HYCC2: variants seen among roughly 807,000 people sequenced by gnomAD.
HYCC2 encodes hyccin 2.
chr2:201,063,047 C>T, the HYCC2 span: 307 of 1,605,238 alleles, frequency 1.9e-4, 1 homozygote, highest in East Asian at 1.8e-3. Flanking sequence ...CCGTGGACGC[C>T]GCCGAAGAAG....
chr2:201,070,684 A>G, the HYCC2 span, among the ~76,000 whole-genome samples: 4 of 151,996 alleles, frequency 2.6e-5, no homozygotes, highest in Admixed American at 6.5e-5. Context: ...TTTTCCCCAT[A>G]TTCAGACCAC....
At chr2:201,053,126 AT>A in the HYCC2 span, among the ~76,000 whole-genome samples, 139 of 146,562 alleles carry the variant, frequency 9.5e-4, 1 homozygote, top group South Asian at 9.3e-3. Context: ...AAATCTTAAA[AT>A]TTTTTTTTTT....
chr2:201,047,073 G>A, the HYCC2 span, among the ~76,000 whole-genome samples: 2 of 152,086 alleles, frequency 1.3e-5, no homozygotes, highest in African/African-American at 4.8e-5. Flanking sequence ...CAAAACTGCT[G>A]AAGATGCAAC....
At chr2:201,048,969 C>CA in the HYCC2 span, among the ~76,000 whole-genome samples, 1 of 151,130 alleles carries the variant, frequency 6.6e-6, no homozygotes, top group Non-Finnish European at 1.5e-5. Context: ...AACAAACAAA[C>CA]AAAAAAACAA....
chr2:201,064,267 G>T, the HYCC2 span, among the ~76,000 whole-genome samples: 3 of 152,010 alleles, frequency 2.0e-5, no homozygotes, highest in Non-Finnish European at 2.9e-5. Context: ...TTTCTGTTCT[G>T]TGGAAAGTGT....
At chr2:201,019,379 G>A in the HYCC2 span, among the ~76,000 whole-genome samples, 1 of 152,122 alleles carries the variant, frequency 6.6e-6, no homozygotes, top group Non-Finnish European at 1.5e-5. Context: ...TTATTACTCT[G>A]TGTTTTTTGT....
the HYCC2 span, among the ~76,000 whole-genome samples, chr2:200,989,045 G>C: frequency 6.6e-6 from 1 of 152,220 alleles, no homozygotes; most frequent in Admixed American, 6.5e-5. Context: ...CCAGTGGGCT[G>C]TTCCAAGGTC....
the HYCC2 span, among the ~76,000 whole-genome samples, chr2:201,049,642 C>T: frequency 6.9e-3 from 1,052 of 151,796 alleles, 45 homozygotes; most frequent in Admixed American, 0.062. Context: ...CGTAAGCCAC[C>T]GCACCTGGCA....
chr2:201,038,364 A>C, the HYCC2 span, among the ~76,000 whole-genome samples: 5 of 152,256 alleles, frequency 3.3e-5, no homozygotes, highest in East Asian at 9.6e-4. Context: ...AACTAGAAAT[A>C]CCATTTGACC....
the HYCC2 span, chr2:201,022,877 G>GT: frequency 1.9e-6 from 3 of 1,613,400 alleles, no homozygotes; most frequent in Admixed American, 1.7e-5. Flanking sequence ...TGGTACAAGT[G>GT]TTTTTTTCCG....
At chr2:201,035,077 G>A in the HYCC2 span, among the ~76,000 whole-genome samples, 1 of 152,086 alleles carries the variant, frequency 6.6e-6, no homozygotes, top group African/African-American at 2.4e-5. Flanking sequence ...ACAATTATGT[G>A]TCTTGGAGTT....
chr2:201,045,917 CTA>C, the HYCC2 span, among the ~76,000 whole-genome samples: 2 of 152,146 alleles, frequency 1.3e-5, no homozygotes, highest in African/African-American at 2.4e-5. Context: ...GACAAAAATT[CTA>C]TGACTCTTTT....
chr2:201,012,256 T>C, the HYCC2 span, among the ~76,000 whole-genome samples: 1 of 152,244 alleles, frequency 6.6e-6, no homozygotes, highest in African/African-American at 2.4e-5. Context: ...GCTCAGAAGT[T>C]TGAGACCAGC....
At chr2:200,981,997 A>T in the HYCC2 span, 1 of 922,122 alleles carries the variant, frequency 1.1e-6, no homozygotes, top group South Asian at 1.8e-5. This position sits in a 1 kb window ranked among gnomAD's most constrained non-coding sequence, Gnocchi z 4.5. Flanking sequence ...TACTATCAAC[A>T]CTTCCCCTAA....
chr2:201,007,140 G>C, the HYCC2 span, among the ~76,000 whole-genome samples: 2 of 152,140 alleles, frequency 1.3e-5, no homozygotes, highest in Non-Finnish European at 2.9e-5. Flanking sequence ...AGATAAACAT[G>C]ATCATTTTTG....
chr2:200,983,049 C>T, the HYCC2 span, among the ~76,000 whole-genome samples: 2 of 152,112 alleles, frequency 1.3e-5, no homozygotes, highest in East Asian at 3.8e-4. Context: ...TGAGCCACCG[C>T]GCCCGGCCAA....
the HYCC2 span, among the ~76,000 whole-genome samples, chr2:201,047,215 C>A: frequency 1.4e-3 from 213 of 151,990 alleles, 1 homozygote; most frequent in Non-Finnish European, 1.4e-3. Flanking sequence ...GTCTCATAAT[C>A]TGAAGAATTT....
the HYCC2 span, among the ~76,000 whole-genome samples, chr2:200,999,249 T>C: frequency 8.9e-4 from 136 of 152,318 alleles, no homozygotes; most frequent in African/African-American, 3.2e-3. Flanking sequence ...GTGAAGTTTA[T>C]AGTCAGTTAC....
the HYCC2 span, among the ~76,000 whole-genome samples, chr2:201,042,154 C>T: frequency 7.9e-5 from 12 of 152,226 alleles, no homozygotes; most frequent in African/African-American, 2.9e-4. Flanking sequence ...GACAGGGTTT[C>T]GCCGTGTTGG....
Sources: gnomAD v4.1 joint callset for allele counts (sites outside exome capture counted in the v4.1 genomes callset) on GRCh38, gnomAD v4.1.1 for gene constraint, Gnocchi (gnomAD v3.1) non-coding constraint, MANE v1.5 for transcripts, NCBI Gene and HGNC (gene_info 2026-07-23, HGNC 2026-07-21) for gene names.